Variants in BCL2 observed in about 807,000 individuals in gnomAD.
BCL2 encodes BCL2 apoptosis regulator.
BCL2 carries 1 observed loss-of-function variant against 14.2 expected under a neutral mutation model. The observed-to-expected ratio is 0.07, with a 90% CI of 0.02 to 0.33. The LOEUF (loss-of-function observed/expected upper bound fraction) is 0.33, where lower values mean the gene tolerates loss of function less well. Among genes scored for constraint, BCL2 ranks in the 10% least tolerant of loss-of-function variants. BCL2 has a pLI of 0.99. For missense variants in BCL2, 247 were observed against 305.9 expected (o/e 0.81, Z 1.44); for synonymous variants, 151 against 137.2 (o/e 1.10, Z -0.70).
At chr18:63,306,007 C>T (rs932415190) in intron 2 of BCL2, among the ~76,000 whole-genome samples, 5 of 151,930 alleles carry the variant, frequency 3.3e-5, no homozygotes, top group East Asian at 3.9e-4. Context: ...CCCCGGAGTT[C>T]GAGGCAGCAG....
chr18:63,179,251 C>T (rs1200740590), intron 2 of BCL2, among the ~76,000 whole-genome samples: 1 of 152,172 alleles, frequency 6.6e-6, no homozygotes, highest in Non-Finnish European at 1.5e-5. Flanking sequence ...AGTAAGGCTG[C>T]TGGAGTGGAG....
intron 2 of BCL2, among the ~76,000 whole-genome samples, chr18:63,134,754 C>T (rs1166373494): frequency 2.0e-5 from 3 of 152,024 alleles, no homozygotes; most frequent in African/African-American, 4.8e-5. Context: ...CAATGGGTGC[C>T]GCCATTTTGT....
intron 2 of BCL2, among the ~76,000 whole-genome samples, chr18:63,298,414 A>G (rs1026322441): frequency 5.9e-5 from 9 of 152,196 alleles, no homozygotes; most frequent in Non-Finnish European, 8.8e-5. Flanking sequence ...GTTTACCCTC[A>G]AGGGCCTCTC....
At chr18:63,243,091 A>G (rs986777354) in intron 2 of BCL2, among the ~76,000 whole-genome samples, 3 of 152,234 alleles carry the variant, frequency 2.0e-5, no homozygotes, top group Non-Finnish European at 4.4e-5. Context: ...TAGCAAAGAC[A>G]CAGAAACAAC....
At chr18:63,233,106 G>C (rs538946936) in intron 2 of BCL2, among the ~76,000 whole-genome samples, 19 of 152,272 alleles carry the variant, frequency 1.2e-4, no homozygotes, top group African/African-American at 4.6e-4. Context: ...AGAGAGCTCC[G>C]TGGGGTCTCT....
intron 2 of BCL2, among the ~76,000 whole-genome samples, chr18:63,251,493 A>G (rs1039851608): frequency 2.0e-5 from 3 of 151,368 alleles, no homozygotes; most frequent in Non-Finnish European, 2.9e-5. Context: ...AAATACAAAA[A>G]AATTAGCCAG....
chr18:63,318,463 C>T lies in BCL2; in HGVS notation c.204G>A (p.Arg68=), dbSNP rs781072794. The change falls in exon 2 of 3, where the codon AGG becomes AGA. Residue 68 remains arginine, a synonymous_variant. Transcript: ENST00000333681. This position sits in a 1 kb window ranked among gnomAD's most constrained non-coding sequence, Gnocchi z 7.4. ...CAGCCGGGGTCTGCAGCGGCGAGGT[C>T]CTGGCGACCGGGTCCCGGGATGCGG... The part of the protein sequence containing the change: ...HPAASRDPVA[R]TSPLQTPAAP... The T allele has an allele frequency of 1.4e-6, 2 of 1,474,042 alleles. No individual in the cohort carries two copies. Among genetic ancestry groups the T allele is most frequent in the South Asian group, 1.4e-5 (1 of 71,666 alleles). 91.3% of individuals were successfully genotyped at this position (1,474,042 alleles called of 1,614,324 possible).
chr18:63,165,276 T>C (rs933463524), intron 2 of BCL2, among the ~76,000 whole-genome samples: 1 of 152,250 alleles, frequency 6.6e-6, no homozygotes. Flanking sequence ...CTGACAACCA[T>C]GGAGGGAAGT....
chr18:63,146,525 T>G (rs1175583647), intron 2 of BCL2, among the ~76,000 whole-genome samples: 1 of 152,194 alleles, frequency 6.6e-6, no homozygotes, highest in Non-Finnish European at 1.5e-5. Flanking sequence ...CTTTAACCCT[T>G]GAGGAGTTAA....
chr18:63,143,078 G>A (rs773898499), intron 2 of BCL2, among the ~76,000 whole-genome samples: 2 of 152,236 alleles, frequency 1.3e-5, no homozygotes, highest in Admixed American at 6.5e-5. Context: ...GACAAGATAC[G>A]CTGGCGTGGC....
chr18:63,197,301 G>A (rs1909471108), intron 2 of BCL2, among the ~76,000 whole-genome samples: 2 of 152,158 alleles, frequency 1.3e-5, no homozygotes, highest in Admixed American at 6.5e-5. Context: ...CTGTCTCCTG[G>A]TCTGAAAATG....
At chr18:63,169,274 TTCTTTC>T (rs1468866722) in intron 2 of BCL2, among the ~76,000 whole-genome samples, 1 of 64,544 alleles carries the variant, frequency 1.5e-5, no homozygotes, top group Non-Finnish European at 2.7e-5. Context: ...CTTTCTTTCT[TTCTTTC>T]TTTCTTTCTT....
intron 2 of BCL2, among the ~76,000 whole-genome samples, chr18:63,180,356 T>A (rs1212128728): frequency 2.0e-5 from 3 of 152,216 alleles, no homozygotes; most frequent in Admixed American, 2.0e-4. Flanking sequence ...TGCTAGGAAG[T>A]CTTGCTCTTC....
At chr18:63,291,438 G>A (rs1442431250) in intron 2 of BCL2, among the ~76,000 whole-genome samples, 1 of 152,176 alleles carries the variant, frequency 6.6e-6, no homozygotes, top group East Asian at 1.9e-4. Flanking sequence ...GACCTAGTTG[G>A]ACAGCTACCT....
intron 2 of BCL2, among the ~76,000 whole-genome samples, chr18:63,269,930 G>A (rs1175868620): frequency 6.6e-6 from 1 of 151,998 alleles, no homozygotes; most frequent in Non-Finnish European, 1.5e-5. Context: ...TGTTTTGAGG[G>A]GGTAGAAAGG....
At chr18:63,155,131 G>C (rs1703981555) in intron 2 of BCL2, among the ~76,000 whole-genome samples, 1 of 152,178 alleles carries the variant, frequency 6.6e-6, no homozygotes, top group South Asian at 2.1e-4. Flanking sequence ...CAAAGGCTGG[G>C]GTGAGAACGA....
intron 2 of BCL2, among the ~76,000 whole-genome samples, chr18:63,309,502 C>G (rs1429655570): frequency 6.6e-6 from 1 of 152,190 alleles, no homozygotes; most frequent in South Asian, 2.1e-4. Flanking sequence ...CTTTCCCTCC[C>G]TCATTCCTCA....
At chr18:63,163,384 A>G (rs369717931) in intron 2 of BCL2, among the ~76,000 whole-genome samples, 1 of 152,132 alleles carries the variant, frequency 6.6e-6, no homozygotes, top group East Asian at 1.9e-4. Context: ...ATTTTCCAAT[A>G]TTGTTTGATT....
rs574489083 is a variant in BCL2, at chr18:63,271,595, C to A, written c.585+46487G>T. Reference sequence around the variant, plus strand: ...AGTTTTGCTGCTTTCAATATTCAGCCCCCACAAGGCCAATACTATTCCAAT... The same window carrying A: ...AGTTTTGCTGCTTTCAATATTCAGCACCCACAAGGCCAATACTATTCCAAT... On this transcript the variant is annotated intron_variant, in intron 2 of 2. Coordinates refer to ENST00000333681, the MANE Select transcript of BCL2 (RefSeq NM_000633.3). 2.6e-3 allele frequency among the ~76,000 whole-genome samples: 397 copies of A among 152,266 alleles called. 1 individual carries two copies. The highest frequency in any genetic ancestry group is 9.0e-3 in the African/African-American group (373 of 41,544).
Sources: gnomAD v4.1 joint callset for allele counts (sites outside exome capture counted in the v4.1 genomes callset) on GRCh38, gnomAD v4.1.1 for gene constraint, Gnocchi (gnomAD v3.1) non-coding constraint, MANE v1.5 for transcripts, NCBI Gene and HGNC (gene_info 2026-07-23, HGNC 2026-07-21) for gene names.